NRXN3: variants seen among roughly 807,000 people sequenced by gnomAD.
The protein encoded by NRXN3 is neurexin 3.
A neutral mutation model predicts 137.6 loss-of-function variants in NRXN3; 32 were observed. The observed-to-expected ratio is 0.23, with a 90% CI of 0.18 to 0.31. The LOEUF (loss-of-function observed/expected upper bound fraction) is 0.31. Ranked by LOEUF, NRXN3 falls within the 10% of genes least tolerant of loss-of-function variation. The pLI is 1.00. For missense variants in NRXN3, 1,574 were observed against 2,062.5 expected (o/e 0.76, Z 4.59); for synonymous variants, 798 against 784.5 (o/e 1.02, Z -0.29).
chr14:79,393,885 A>G (rs2094935818), intron 15 of NRXN3, among the ~76,000 whole-genome samples: 1 of 152,182 alleles, frequency 6.6e-6, no homozygotes, highest in South Asian at 2.1e-4. Flanking sequence ...AACAAAGTTG[A>G]CCTAGATACA....
intron 10 of NRXN3, among the ~76,000 whole-genome samples, chr14:78,845,062 GA>G (rs140882463): frequency 3.3e-5 from 5 of 149,846 alleles, no homozygotes; most frequent in African/African-American, 9.8e-5. Context: ...TCACAGGCCT[GA>G]AAAAAAAACT....
chr14:79,790,444 G>A (rs574937039), intron 19 of NRXN3, among the ~76,000 whole-genome samples: 7 of 151,880 alleles, frequency 4.6e-5, no homozygotes, highest in Admixed American at 3.9e-4. Context: ...CTGGGACTAC[G>A]GGCCTGCACC....
intron 15 of NRXN3, among the ~76,000 whole-genome samples, chr14:79,443,779 C>G (rs956620167): frequency 4.6e-5 from 7 of 152,226 alleles, no homozygotes; most frequent in African/African-American, 1.7e-4. Flanking sequence ...ACATCAGCTA[C>G]TTCTCATTAC....
At position 79,867,288 on chromosome 14, in the gene NRXN3, T is replaced by TA. The variant is rs2099418441; in HGVS notation, c.*5325dup. Reference sequence around the variant, plus strand: ...GGCAGGAAATGAGAGGATATTGTGTTAGTCTACTGGGATTACCCTGGCAAA... The same window carrying TA: ...GGCAGGAAATGAGAGGATATTGTGTTAAGTCTACTGGGATTACCCTGGCAAA... On this transcript the variant is annotated 3_prime_UTR_variant, in exon 21 of 21. Transcript: ENST00000335750. 1 of 152,192 alleles carries TA rather than the reference T, an allele frequency of 6.6e-6. No individual in the cohort carries two copies. The highest frequency in any genetic ancestry group is 6.5e-5 in the Admixed American group (1 of 15,282). The allele number at this position is 152,192 out of a possible 1,614,324, so 9.4% of individuals were successfully genotyped here.
intron 19 of NRXN3, among the ~76,000 whole-genome samples, chr14:79,801,427 T>C (rs1449453423): frequency 1.3e-5 from 2 of 152,296 alleles, no homozygotes; most frequent in Non-Finnish European, 2.9e-5. Context: ...ATACCAAATT[T>C]ATTTAAATTA....
chr14:79,388,949 AACCACGT>A (rs2094743891), intron 15 of NRXN3, among the ~76,000 whole-genome samples: 1 of 152,164 alleles, frequency 6.6e-6, no homozygotes, highest in South Asian at 2.1e-4. Flanking sequence ...TCTTGCCTGC[AACCACGT>A]AGGTTATGCC....
intron 4 of NRXN3, among the ~76,000 whole-genome samples, chr14:78,394,594 G>A (rs1241331087): frequency 1.3e-5 from 2 of 151,712 alleles, no homozygotes; most frequent in African/African-American, 4.8e-5. Flanking sequence ...AAAATGAATT[G>A]CAGTATCTCC....
At chr14:79,460,257 A>C (rs2096313642) in intron 15 of NRXN3, among the ~76,000 whole-genome samples, 3 of 152,164 alleles carry the variant, frequency 2.0e-5, no homozygotes, top group Admixed American at 2.0e-4. Context: ...TCCTTGAAAA[A>C]TACATAATGT....
chr14:79,691,384 G>A (rs1381583101), intron 17 of NRXN3, among the ~76,000 whole-genome samples: 1 of 151,960 alleles, frequency 6.6e-6, no homozygotes. Flanking sequence ...GGAGGGAAGT[G>A]GAGGGAGGCT....
chr14:78,649,444 T>C (rs988599036), intron 5 of NRXN3, among the ~76,000 whole-genome samples: 1 of 149,098 alleles, frequency 6.7e-6, no homozygotes, highest in African/African-American at 2.5e-5. Context: ...AATGCAAGCC[T>C]TTCTTTTTCT....
At chr14:79,792,750 G>A (rs1052597756) in intron 19 of NRXN3, among the ~76,000 whole-genome samples, 10 of 152,182 alleles carry the variant, frequency 6.6e-5, no homozygotes, top group African/African-American at 2.4e-4. Flanking sequence ...CCTAAGATCA[G>A]CTGGCTTTCA....
intron 15 of NRXN3, among the ~76,000 whole-genome samples, chr14:79,363,239 A>C (rs547407636): frequency 6.6e-6 from 1 of 152,300 alleles, no homozygotes; most frequent in Non-Finnish European, 1.5e-5. Context: ...ACCTCAGGTG[A>C]TCCACCTGCC....
At chr14:79,258,755 T>A (rs994184260) in intron 15 of NRXN3, among the ~76,000 whole-genome samples, 9 of 152,140 alleles carry the variant, frequency 5.9e-5, no homozygotes, top group Non-Finnish European at 1.2e-4. Flanking sequence ...ATGGGAGATA[T>A]CATTATGCTC....
intron 3 of NRXN3, among the ~76,000 whole-genome samples, chr14:78,280,278 G>A (rs780172509): frequency 1.3e-5 from 2 of 152,204 alleles, no homozygotes; most frequent in East Asian, 1.9e-4. Flanking sequence ...TGCTTTATAT[G>A]CATACATATA....
At chr14:78,342,718 C>T (rs1325668648) in intron 4 of NRXN3, among the ~76,000 whole-genome samples, 3 of 152,144 alleles carry the variant, frequency 2.0e-5, no homozygotes, top group Admixed American at 6.6e-5. Context: ...GTCTACAGCA[C>T]CAAAGCCTTT....
intron 16 of NRXN3, 25 bp downstream of exon 16, chr14:79,467,427 T>G: frequency 6.4e-7 from 1 of 1,554,496 alleles, no homozygotes; most frequent in South Asian, 1.2e-5. Flanking sequence ...TTGGCCTGGA[T>G]TTTCTTATGT....
chr14:78,629,057 T>TTAA (rs1192366999), intron 4 of NRXN3, among the ~76,000 whole-genome samples: 1 of 152,164 alleles, frequency 6.6e-6, no homozygotes, highest in Non-Finnish European at 1.5e-5. Flanking sequence ...CTATGAAACA[T>TTAA]TAATACAAAG....
Position 79,531,694 on chromosome 14 carries a change from G to A in NRXN3, c.3444+64292G>A, listed in dbSNP as rs573658890. Reference sequence around the variant, plus strand: ...TATCATCAATAAAACCACTAAGGATGCCTCACTATAGCTGTGAGATGGGTT... The same window carrying A: ...TATCATCAATAAAACCACTAAGGATACCTCACTATAGCTGTGAGATGGGTT... On this transcript the variant is annotated intron_variant, in intron 16 of 20. Transcript: ENST00000335750. Among the ~76,000 whole-genome samples, 7 of 152,264 alleles carry A rather than the reference G, an allele frequency of 4.6e-5. No individual in the cohort carries two copies. The East Asian group carries it at 1.2e-3, about 25-fold the overall frequency.
chr14:79,485,270 A>G (rs2096645126), intron 16 of NRXN3, among the ~76,000 whole-genome samples: 1 of 152,146 alleles, frequency 6.6e-6, no homozygotes, highest in African/African-American at 2.4e-5. Context: ...CTGTATCAAA[A>G]TGCTTCAGAT....
Sources: allele counts gnomAD v4.1 joint callset (sites outside exome capture counted in the v4.1 genomes callset), GRCh38; gene constraint gnomAD v4.1.1; transcripts MANE v1.5; gene names NCBI Gene and HGNC (gene_info 2026-07-23, HGNC 2026-07-21).